Variants in MAP2K3 observed in about 807,000 individuals in gnomAD.
MAP2K3 encodes the protein dual specificity mitogen-activated protein kinase kinase 3.
A neutral mutation model predicts 46.4 loss-of-function variants in MAP2K3; 30 were observed. The ratio of observed to expected loss-of-function variants is 0.65; its 90% CI spans 0.48 to 0.88. The LOEUF (loss-of-function observed/expected upper bound fraction) is 0.88, where lower values mean the gene tolerates loss of function less well. MAP2K3 is among the 40% of genes least tolerant of loss of function. MAP2K3 has a pLI of 0.00. For synonymous variants in MAP2K3, 189 were observed against 176.3 expected (o/e 1.07, Z -0.57); for missense variants, 380 against 464.5 (o/e 0.82, Z 1.67).
chr17:21,303,082 G>C (rs1279630774), intron 6 of MAP2K3, 101 bp from the exon 7 acceptor site: 9 of 1,491,346 alleles, frequency 6.0e-6, no homozygotes, highest in East Asian at 2.4e-5. Flanking sequence ...GCGGGAGCGG[G>C]AGACAGGTGG....
chr17:21,295,911 G>A, intron 1 of MAP2K3: 1 of 1,264,184 alleles, frequency 7.9e-7, no homozygotes, highest in Admixed American at 2.3e-5. Context: ...GACCCCACAG[G>A]GAAAGGGTGG....
intron 1 of MAP2K3, chr17:21,296,064 GT>G (rs5819736): frequency 1.0e-4 from 127 of 1,265,262 alleles, no homozygotes; most frequent in Admixed American, 9.2e-5. Flanking sequence ...ACTTAGGGCA[GT>G]TTTTTTTTTC....
chr17:21,295,824 T>C (rs2144523192), intron 1 of MAP2K3: 1 of 1,289,054 alleles, frequency 7.8e-7, no homozygotes, highest in Middle Eastern at 2.1e-4. Flanking sequence ...CATTCCCAAA[T>C]CCCAAGGCAT....
At chr17:21,293,756 G>A (rs962204388) in intron 1 of MAP2K3, among the ~76,000 whole-genome samples, 4 of 152,304 alleles carry the variant, frequency 2.6e-5, no homozygotes, top group Admixed American at 1.3e-4. Flanking sequence ...CACCTACAAG[G>A]TGAGGATAGA....
In MAP2K3 at chr17:21,306,864, C is replaced by T. The variant is rs536172008; in HGVS notation, c.774+1736C>T. Among the ~76,000 whole-genome samples, 13 of 152,422 alleles carry T rather than the reference C, an allele frequency of 8.5e-5. No individual in the cohort carries two copies. The East Asian group carries it at 2.5e-3, about 29-fold the overall frequency. On this transcript the variant is annotated intron_variant, in intron 9 of 11. Coordinates refer to ENST00000342679, the MANE Select transcript of MAP2K3 (RefSeq NM_145109.3). ...GCAGTGGTATCATCGCAGCTCACTGCAGCCTTGAACTCCCAGGCTCAAGCC... is the reference window on the plus strand; with the variant it reads ...GCAGTGGTATCATCGCAGCTCACTGTAGCCTTGAACTCCCAGGCTCAAGCC...
At chr17:21,289,175 C>T (rs1275929571) in intron 1 of MAP2K3, among the ~76,000 whole-genome samples, 6 of 152,208 alleles carry the variant, frequency 3.9e-5, no homozygotes, top group African/African-American at 1.4e-4. Flanking sequence ...GCTTTAGGGC[C>T]TCTTAACCCA....
intron 1 of MAP2K3, among the ~76,000 whole-genome samples, chr17:21,289,606 G>T (rs577053998): frequency 2.0e-4 from 30 of 152,196 alleles, no homozygotes; most frequent in Non-Finnish European, 3.2e-4. Context: ...GCCTCCTGGC[G>T]CTGCCCACCT....
chr17:21,297,111 C>T (rs904985500), intron 1 of MAP2K3, among the ~76,000 whole-genome samples: 5 of 152,308 alleles, frequency 3.3e-5, no homozygotes, highest in African/African-American at 1.2e-4. Flanking sequence ...GTTGTTCTGG[C>T]CTTGTCTTCC....
At chr17:21,298,186 AGTCC>A (rs1976369283) in intron 1 of MAP2K3, among the ~76,000 whole-genome samples, 1 of 152,310 alleles carries the variant, frequency 6.6e-6, no homozygotes, top group Non-Finnish European at 1.5e-5. Context: ...AAGGCCCTGG[AGTCC>A]AGCCTCCAGG....
intron 1 of MAP2K3, chr17:21,291,680 G>C (rs999728989): frequency 2.3e-6 from 1 of 431,560 alleles, no homozygotes; most frequent in East Asian, 7.1e-5. Flanking sequence ...GAGTCCCACC[G>C]ATCTGACCCC....
chr17:21,302,332 G>T (rs1976655292), intron 6 of MAP2K3, 73 bp downstream of exon 6: 6 of 1,462,566 alleles, frequency 4.1e-6, no homozygotes, highest in African/African-American at 1.4e-5. Flanking sequence ...AGCAGGCATG[G>T]AGCCTGCCTA....
Position 21,314,341 on chromosome 17 carries a change from G to C in MAP2K3, c.*111G>C. 4.1e-6 allele frequency: 4 copies of C among 982,752 alleles called. No homozygotes were observed. The highest frequency in any genetic ancestry group is 1.8e-5 in the Admixed American group (1 of 55,628). The allele number at this position is 982,752 out of a possible 1,614,324, so 60.9% of individuals were successfully genotyped here. A position where few individuals can be genotyped will look rare whatever the true frequency, so the allele number is the denominator to read the frequency against. On this transcript the variant is annotated 3_prime_UTR_variant, in exon 12 of 12. Transcript: ENST00000342679. ...TGCCATCCTGGCCCAGGGCATCTGG[G>C]AGGAACCGAGGGGGCTGCTCCCACC... is the stretch of plus-strand genomic sequence containing the variant.
chr17:21,288,197 T>A, intron 1 of MAP2K3: 1 of 881,506 alleles, frequency 1.1e-6, no homozygotes. Context: ...GGGAGGGGGT[T>A]ACGTGTCCTG....
At chr17:21,296,240 T>G in intron 1 of MAP2K3, 1 of 1,267,018 alleles carries the variant, frequency 7.9e-7, no homozygotes, top group Non-Finnish European at 1.0e-6. Flanking sequence ...CGAGCTGTTT[T>G]GTACATGAGG....
rs557284750 is a variant in MAP2K3 at position 21,286,976 on chromosome 17, C to A, written c.49+2007C>A. ...TTTTTCCATGTGCCATGCATTTTCT[C>A]ATTTATTCCTCATAGCCCCATTTAC... On this transcript the variant is annotated intron_variant, in intron 1 of 11. Transcript: ENST00000342679. 3.3e-5 allele frequency among the ~76,000 whole-genome samples: 5 copies of A among 152,350 alleles called. 1 individual carries two copies. In the South Asian group the frequency reaches 1.0e-3, roughly 32 times the overall value.
At chr17:21,285,470 ACTGTACC>A (rs1975697719) in intron 1 of MAP2K3, 1 of 171,574 alleles carries the variant, frequency 5.8e-6, no homozygotes. Flanking sequence ...TGCGGACCTC[ACTGTACC>A]CCCTATGCGG....
chr17:21,285,056 C>G, intron 1 of MAP2K3, 87 bp downstream of exon 1: 6 of 1,507,310 alleles, frequency 4.0e-6, no homozygotes, highest in South Asian at 1.2e-5. Flanking sequence ...TGGTCCCACC[C>G]CATCCTGTTC....
At chr17:21,301,887 C>T (rs1378056459) in intron 5 of MAP2K3, among the ~76,000 whole-genome samples, 5 of 152,310 alleles carry the variant, frequency 3.3e-5, no homozygotes, top group Non-Finnish European at 7.3e-5. Flanking sequence ...TGCTAATCCT[C>T]TTCCTCCCTG....
intron 3 of MAP2K3, among the ~76,000 whole-genome samples, chr17:21,299,239 C>T (rs1356727113): frequency 6.6e-6 from 1 of 152,310 alleles, no homozygotes; most frequent in Non-Finnish European, 1.5e-5. Context: ...AACATGCAGG[C>T]TCCTAGGCCG....
Sources: gnomAD v4.1 joint callset for allele counts (sites outside exome capture counted in the v4.1 genomes callset) on GRCh38, gnomAD v4.1.1 for gene constraint, MANE v1.5 for transcripts, NCBI Gene and HGNC (gene_info 2026-07-23, HGNC 2026-07-21) for gene names.